The following WNT8A variants were observed in gnomAD, a reference collection of about 807,000 sequenced individuals.
The protein encoded by WNT8A is Wnt family member 8A, also known as protein Wnt-8a.
Under a neutral mutation model 20.5 loss-of-function variants are expected in WNT8A, and 14 were observed. That is an observed-to-expected ratio of 0.68 (90% CI 0.45 to 1.07). The LOEUF is 1.07. Ranked by LOEUF, WNT8A falls within the 50% of genes least tolerant of loss-of-function variation. The pLI, the probability that WNT8A is intolerant of heterozygous loss-of-function variation, is 0.00. For synonymous variants in WNT8A, 167 were observed against 169.2 expected, an observed-to-expected ratio of 0.99 and a Z score of 0.10; for missense variants, 397 against 462.9, an observed-to-expected ratio of 0.86 and a Z score of 1.31.
At chr5:138,089,860 C>T (rs2151148274) in intron 4 of WNT8A, among the ~76,000 whole-genome samples, 1 of 152,282 alleles carries the variant, frequency 6.6e-6, no homozygotes, top group East Asian at 1.9e-4. Context: ...TGAGGTTTCC[C>T]CATATTGCCC....
upstream of WNT8A, among the ~76,000 whole-genome samples, chr5:138,080,456 T>TG (rs1448244628): frequency 1.4e-5 from 2 of 142,346 alleles, no homozygotes; most frequent in Admixed American, 7.1e-5. Context: ...TTTTTTTTTT[T>TG]TTTTTTTTTT....
chr5:138,077,443 A>G, the WNT8A span, among the ~76,000 whole-genome samples: 1 of 152,196 alleles, frequency 6.6e-6, no homozygotes, highest in African/African-American at 2.4e-5. Context: ...ACAGGATGAA[A>G]ATATCTCCTA....
upstream of WNT8A, among the ~76,000 whole-genome samples, chr5:138,082,618 G>A (rs1002353008): frequency 1.2e-4 from 18 of 152,018 alleles, no homozygotes; most frequent in African/African-American, 3.9e-4. Flanking sequence ...GGTGGCTCAC[G>A]CCTGTAATCC....
Position 138,084,283 on chromosome 5 carries a change from G to A in WNT8A, c.156G>A (p.Lys52=), listed in dbSNP as rs188129925. Residue 52 remains lysine, a splice_region_variant and synonymous_variant, in exon 1 of 5, where the codon AAG becomes AAA. Coordinates refer to ENST00000506684, the MANE Select transcript of WNT8A (RefSeq NM_001300939.2). ...ACAATTTCCTGATAACAGGTCCCAA[G>A]GTAGGATGATCTCCAGCTTCTGTTT... ...SVNNFLITGP[K]AYLTYTTSVA... 2 of 1,614,048 alleles carry A rather than the reference G, an allele frequency of 1.2e-6. No individual in the cohort carries two copies. The highest frequency in any genetic ancestry group is 1.7e-5 in the Admixed American group (1 of 60,010).
At chr5:138,087,664 AAAAAAAAAAAG>A in intron 2 of WNT8A, 131 bp from the exon 3 acceptor site, 2 of 852,456 alleles carry the variant, frequency 2.3e-6, no homozygotes, top group Non-Finnish European at 3.4e-6. Context: ...AAAAAAAAAA[AAAAAAAAAAAG>A]AAAGAAAAGC....
intron 3 of WNT8A, 139 bp downstream of exon 3, chr5:138,088,070 T>A: frequency 7.7e-7 from 1 of 1,297,046 alleles, no homozygotes; most frequent in African/African-American, 1.5e-5. Context: ...AATTGTAGGA[T>A]CTCCTAGCCT....
chr5:138,091,424 A>G lies in WNT8A; in HGVS notation c.*351A>G. On this transcript the variant is annotated 3_prime_UTR_variant, in exon 5 of 5. Transcript: ENST00000506684. ...AAGTATTTGTTCCTTTAAATTTCAG[A>G]CCATGTCCAACCCAGCTGTGCTGCT... 1 of 1,361,722 alleles carries G rather than the reference A, an allele frequency of 7.3e-7. No homozygotes were observed. Among genetic ancestry groups the G allele is most frequent in the Non-Finnish European group, 9.7e-7 (1 of 1,028,516 alleles). The allele number at this position is 1,361,722 out of a possible 1,614,324, so 84.4% of individuals were successfully genotyped here.
Position 138,091,090 on chromosome 5 carries a change from T to C in WNT8A, c.*17T>C. On this transcript the variant is annotated 3_prime_UTR_variant, in exon 5 of 5. Transcript: ENST00000506684. ...AGTGCCTGATAATACCCCACACAAG[T>C]TCACTTGATTAATTGCATCAGTGGA... 16 of 1,598,306 alleles carry C rather than the reference T, an allele frequency of 1.0e-5. No homozygotes were observed. Among genetic ancestry groups the C allele is most frequent in the Non-Finnish European group, 1.4e-5 (16 of 1,171,514 alleles).
At chr5:138,087,649 CAAAAAAAAAAAAAAA>C (rs66902804) in intron 2 of WNT8A, among the ~76,000 whole-genome samples, 142 bp from the exon 3 acceptor site, 88 of 70,240 alleles carry the variant, frequency 1.3e-3, no homozygotes, top group African/African-American at 5.3e-3. Flanking sequence ...GAGCGAGTCT[CAAAAAAAAAAAAAAA>C]AAAAAAAAAA....
upstream of WNT8A, among the ~76,000 whole-genome samples, chr5:138,080,191 C>T (rs1346107914): frequency 6.6e-6 from 1 of 151,730 alleles, no homozygotes; most frequent in Non-Finnish European, 1.5e-5. Context: ...AGCGTGGAGG[C>T]GAGCACCTGT....
chr5:138,083,763 C>T, upstream of WNT8A: 3 of 239,058 alleles, frequency 1.3e-5, no homozygotes, highest in South Asian at 3.2e-4. Context: ...GCCAAAGAAG[C>T]AGGAAGAGAC....
chr5:138,086,557 T>A lies in WNT8A; in HGVS notation c.296-1249T>A, dbSNP rs1403009472. On this transcript the variant is annotated intron_variant, in intron 2 of 4. Transcript: ENST00000506684. ...CATTGGTTAACATAGGGATGTTCAT[T>A]CCTGCCTGGATGAAGGAAGGAGGCT... is the stretch of plus-strand genomic sequence containing the variant. Among the ~76,000 whole-genome samples the A allele has an allele frequency of 5.9e-5, 9 of 152,246 alleles. No individual in the cohort carries two copies. The East Asian group carries it at 1.5e-3, about 26-fold the overall frequency.
At chr5:138,082,646 G>A (rs1403625518), upstream of WNT8A, among the ~76,000 whole-genome samples, 4 of 151,900 alleles carry the variant, frequency 2.6e-5, no homozygotes, top group East Asian at 3.9e-4. Context: ...TTGGGAGGCC[G>A]AGGCAGGTGG....
intron 1 of WNT8A, 60 bp from the exon 2 acceptor site, chr5:138,084,438 T>G: frequency 6.4e-7 from 1 of 1,554,300 alleles, no homozygotes; most frequent in African/African-American, 1.4e-5. Flanking sequence ...TCCTGCCTGC[T>G]CCCCCAACCA....
At chr5:138,084,717 A>T in intron 2 of WNT8A, 81 bp downstream of exon 2, 7 of 1,487,558 alleles carry the variant, frequency 4.7e-6, no homozygotes, top group Non-Finnish European at 6.3e-6. Context: ...TATGTGTGAC[A>T]TGTATTGCAC....
chr5:138,082,603 G>A (rs1378774855), upstream of WNT8A, among the ~76,000 whole-genome samples: 1 of 151,804 alleles, frequency 6.6e-6, no homozygotes, highest in African/African-American at 2.4e-5. Context: ...AATAAGGCTG[G>A]GTATGGTGGC....
intron 4 of WNT8A, among the ~76,000 whole-genome samples, chr5:138,090,018 A>G (rs972780208): frequency 6.6e-6 from 1 of 152,124 alleles, no homozygotes; most frequent in African/African-American, 2.4e-5. Context: ...TTGGGGGTAT[A>G]AGTGTTCAGA....
At chr5:138,087,402 C>G (rs1183620542) in intron 2 of WNT8A, among the ~76,000 whole-genome samples, 1 of 151,488 alleles carries the variant, frequency 6.6e-6, no homozygotes. Flanking sequence ...CGCCTGTAAT[C>G]CCAGCACTTT....
Position 138,091,151 on chromosome 5 carries a change from G to C in WNT8A, c.*78G>C. 2 of 1,547,374 alleles carry C rather than the reference G, an allele frequency of 1.3e-6. No individual in the cohort carries two copies. Among genetic ancestry groups the C allele is most frequent in the South Asian group, 2.5e-5 (2 of 80,462 alleles). ...GCTTCTCTCTTAGAGAGAACAGATT[G>C]GAAAGCAATCGGAAAATTGCAGTTT... On this transcript the variant is annotated 3_prime_UTR_variant, in exon 5 of 5. Coordinates refer to ENST00000506684, the MANE Select transcript of WNT8A (RefSeq NM_001300939.2).
Sources: allele counts gnomAD v4.1 joint callset (sites outside exome capture counted in the v4.1 genomes callset), GRCh38; gene constraint gnomAD v4.1.1; transcripts MANE v1.5; gene names NCBI Gene and HGNC (gene_info 2026-07-23, HGNC 2026-07-21).